IFT74: variants seen among roughly 807,000 people sequenced by gnomAD.
The protein encoded by IFT74 is intraflagellar transport 74.
In IFT74, 92 loss-of-function variants were observed where a neutral mutation model predicts 96.7. The observed-to-expected ratio is 0.95, with a 90% CI of 0.80 to 1.13. IFT74 has a LOEUF of 1.13. Ranked by LOEUF, IFT74 falls within the 50% of genes most tolerant of loss-of-function variation. The pLI, the probability that IFT74 is intolerant of heterozygous loss-of-function variation, is 0.00. For synonymous variants in IFT74, 223 were observed against 213.2 expected, an observed-to-expected ratio of 1.05 and a Z score of -0.40; for missense variants, 811 against 698.2, an observed-to-expected ratio of 1.16 and a Z score of -1.82.
intron 16 of IFT74, among the ~76,000 whole-genome samples, chr9:27,054,432 T>C (rs949865406): frequency 1.3e-5 from 2 of 152,208 alleles, no homozygotes; most frequent in Non-Finnish European, 2.9e-5. Context: ...TTATTGTAAA[T>C]ACTTATTTAA....
At chr9:26,974,616 C>T (rs951072726) in intron 2 of IFT74, among the ~76,000 whole-genome samples, 6 of 152,200 alleles carry the variant, frequency 3.9e-5, no homozygotes, top group East Asian at 1.9e-4. Flanking sequence ...AGGTCTTAAG[C>T]GGGAAATTTT....
intron 8 of IFT74, 35 bp from the exon 9 acceptor site, chr9:27,008,985 A>G (rs1828920660): frequency 6.4e-7 from 1 of 1,552,490 alleles, no homozygotes; most frequent in Non-Finnish European, 8.8e-7. Context: ...TTTCCTCAAT[A>G]TAGTATCAGG....
At chr9:27,050,173 T>A (rs2131691001) in intron 16 of IFT74, among the ~76,000 whole-genome samples, 1 of 152,238 alleles carries the variant, frequency 6.6e-6, no homozygotes, top group South Asian at 2.1e-4. Flanking sequence ...TTCTCTCACC[T>A]CAGCCTCCCA....
chr9:26,974,916 G>A (rs1186484617), intron 2 of IFT74, among the ~76,000 whole-genome samples: 2 of 152,172 alleles, frequency 1.3e-5, no homozygotes, highest in African/African-American at 4.8e-5. Context: ...CCTCTTTTAA[G>A]GGGAAGAGAG....
chr9:26,961,793 C>T (rs569315344), intron 1 of IFT74, among the ~76,000 whole-genome samples, 156 bp from the exon 2 acceptor site: 7 of 152,144 alleles, frequency 4.6e-5, no homozygotes, highest in African/African-American at 9.6e-5. Flanking sequence ...AAATGGAGCA[C>T]GATGTCATAT....
chr9:26,963,839 A>G (rs1587241842), intron 2 of IFT74, among the ~76,000 whole-genome samples: 1 of 151,994 alleles, frequency 6.6e-6, no homozygotes, highest in South Asian at 2.1e-4. Flanking sequence ...GTTGGAGTTC[A>G]TTGTAGATAG....
At chr9:27,049,990 A>G (rs190676035) in intron 16 of IFT74, among the ~76,000 whole-genome samples, 1,932 of 152,322 alleles carry the variant, frequency 0.013, 35 homozygotes, top group African/African-American at 0.045. Context: ...CATGTAAGCT[A>G]TATAAAAATG....
At chr9:27,058,194 T>A (rs1450530810) in intron 18 of IFT74, among the ~76,000 whole-genome samples, 1 of 151,904 alleles carries the variant, frequency 6.6e-6, no homozygotes, top group Non-Finnish European at 1.5e-5. Context: ...ACTCAACCGA[T>A]CCTCCTGCCT....
Position 26,973,789 on chromosome 9 carries a change from A to G in IFT74, c.121-4339A>G, listed in dbSNP as rs929699290. Among the ~76,000 whole-genome samples the G allele has an allele frequency of 2.0e-5, 3 of 152,156 alleles. No homozygotes were observed. In the South Asian group the frequency reaches 6.2e-4, roughly 31 times the overall value. On this transcript the variant is annotated intron_variant, in intron 2 of 19. Coordinates refer to ENST00000380062, the MANE Select transcript of IFT74 (RefSeq NM_025103.4). ...TTAGATGGAGTGAGACAAACAGAGG[A>G]GTGAGACACTCCTGAATCAATTAAA... is the stretch of plus-strand genomic sequence containing the variant.
intron 8 of IFT74, chr9:26,993,006 C>T (rs1300369097): frequency 6.6e-6 from 1 of 152,202 alleles, no homozygotes; most frequent in Non-Finnish European, 1.5e-5. Flanking sequence ...ATATGTAAGA[C>T]ACCTGGCATT....
Position 27,062,915 on chromosome 9 carries a change from G to C in IFT74, c.*179G>C, listed in dbSNP as rs566025405. 3.0e-4 allele frequency: 148 copies of C among 495,094 alleles called. 2 individuals are homozygous for C. Among genetic ancestry groups the C allele is most frequent in the African/African-American group, 2.9e-3 (140 of 49,048 alleles). The allele number at this position is 495,094 out of a possible 1,614,324, so 30.7% of individuals were successfully genotyped here. ...AAAATAGTAAATAGTTCAATAAATG[G>C]TTTGCATATTAAAAAGTACCATCTT... is the stretch of plus-strand genomic sequence containing the variant. On this transcript the variant is annotated 3_prime_UTR_variant, in exon 20 of 20. Transcript: ENST00000380062.
intron 13 of IFT74, among the ~76,000 whole-genome samples, chr9:27,030,032 T>G (rs934515169): frequency 2.6e-5 from 4 of 151,798 alleles, no homozygotes; most frequent in Non-Finnish European, 5.9e-5. Flanking sequence ...GGTTTGGGTG[T>G]GGGGGCTACA....
chr9:26,981,516 G>A lies in IFT74; in HGVS notation c.305+897G>A, dbSNP rs1490212603. Among the ~76,000 whole-genome samples the A allele has an allele frequency of 2.0e-5, 3 of 152,152 alleles. No homozygotes were observed. The East Asian group carries it at 5.8e-4, about 30-fold the overall frequency. ...TGCAACCTCTGTCTCCCAGGTTTAAGCAATTCTCCTGCATCAGCTTCCCAA... is the reference window on the plus strand; with the variant it reads ...TGCAACCTCTGTCTCCCAGGTTTAAACAATTCTCCTGCATCAGCTTCCCAA... On this transcript the variant is annotated intron_variant, in intron 4 of 19. Coordinates refer to ENST00000380062, the MANE Select transcript of IFT74 (RefSeq NM_025103.4).
At chr9:26,986,342 G>T (rs1439630862) in intron 6 of IFT74, among the ~76,000 whole-genome samples, 1 of 150,640 alleles carries the variant, frequency 6.6e-6, no homozygotes, top group Non-Finnish European at 1.5e-5. Flanking sequence ...TTTCAAGACA[G>T]TCTTGCTCTG....
At chr9:26,948,538 G>A (rs1441939056) in intron 1 of IFT74, among the ~76,000 whole-genome samples, 1 of 128,168 alleles carries the variant, frequency 7.8e-6, no homozygotes, top group Non-Finnish European at 1.6e-5. Context: ...GCGCGATCTC[G>A]GCTCACTGCA....
intron 13 of IFT74, among the ~76,000 whole-genome samples, chr9:27,033,373 C>G (rs1830212447): frequency 6.6e-6 from 1 of 151,896 alleles, no homozygotes; most frequent in African/African-American, 2.4e-5. Flanking sequence ...GCCTGGGCAA[C>G]AGGGCGAAAA....
At chr9:26,961,819 C>A in intron 1 of IFT74, 130 bp from the exon 2 acceptor site, 1 of 830,614 alleles carries the variant, frequency 1.2e-6, no homozygotes, top group Non-Finnish European at 1.9e-6. Context: ...CAAAATTAGC[C>A]TTGTAGTGGT....
At chr9:26,973,033 C>T (rs985347702) in intron 2 of IFT74, among the ~76,000 whole-genome samples, 1 of 152,032 alleles carries the variant, frequency 6.6e-6, no homozygotes, top group African/African-American at 2.4e-5. Context: ...GTCTGTAAAC[C>T]CTTGGGGTAA....
chr9:26,983,799 T>TTC (rs1563949986), intron 4 of IFT74: 2 of 148,458 alleles, frequency 1.3e-5, no homozygotes, highest in Non-Finnish European at 3.0e-5. Flanking sequence ...TTTTTTTTTT[T>TTC]CTGAGATGGT....
Sources: gnomAD v4.1 joint callset for allele counts (sites outside exome capture counted in the v4.1 genomes callset) on GRCh38, gnomAD v4.1.1 for gene constraint, MANE v1.5 for transcripts, NCBI Gene and HGNC (gene_info 2026-07-23, HGNC 2026-07-21) for gene names.